Variants in NCALD observed in about 807,000 individuals in gnomAD.
NCALD encodes the protein neurocalcin-delta.
NCALD carries 10 observed loss-of-function variants against 18.6 expected under a neutral mutation model. The ratio of observed to expected loss-of-function variants is 0.54; its 90% CI spans 0.33 to 0.91. The LOEUF (loss-of-function observed/expected upper bound fraction) is 0.91. Ranked by LOEUF, NCALD falls within the 40% of genes least tolerant of loss-of-function variation. The pLI, the probability that NCALD is intolerant of heterozygous loss-of-function variation, is 0.03. For missense variants in NCALD, 184 were observed against 247.6 expected (o/e 0.74, Z 1.72); for synonymous variants, 88 against 87.4 (o/e 1.01, Z -0.04).
intron 1 of NCALD, among the ~76,000 whole-genome samples, chr8:102,065,508 G>T (rs1284817546): frequency 6.6e-6 from 1 of 152,168 alleles, no homozygotes; most frequent in African/African-American, 2.4e-5. Context: ...ATACATTGCA[G>T]CGAGAGACAC....
chr8:102,010,425 G>A (rs1477620182), intron 2 of NCALD, among the ~76,000 whole-genome samples: 2 of 152,194 alleles, frequency 1.3e-5, no homozygotes, highest in East Asian at 3.8e-4. Context: ...ACATCATAAA[G>A]TCTGAGCTTT....
chr8:102,023,705 G>A (rs543389093), intron 1 of NCALD, among the ~76,000 whole-genome samples: 6 of 152,290 alleles, frequency 3.9e-5, no homozygotes, highest in South Asian at 2.1e-4. Context: ...TTCCAGTTCC[G>A]AGACCAAGGA....
chr8:101,803,894 T>G (rs1423345017), intron 4 of NCALD, among the ~76,000 whole-genome samples: 1 of 152,220 alleles, frequency 6.6e-6, no homozygotes, highest in East Asian at 1.9e-4. Context: ...GATTCCAATT[T>G]TCTACTATGG....
chr8:102,068,166 A>C (rs1430852827), intron 1 of NCALD, among the ~76,000 whole-genome samples: 1 of 152,212 alleles, frequency 6.6e-6, no homozygotes, highest in African/African-American at 2.4e-5. Context: ...CAGTAGAAGC[A>C]TATCAGGAAT....
chr8:101,894,517 C>G (rs1007213123), intron 3 of NCALD, among the ~76,000 whole-genome samples: 5 of 143,568 alleles, frequency 3.5e-5, no homozygotes, highest in African/African-American at 1.4e-4. Context: ...AAAATCAGAG[C>G]AGAACTGAAG....
At chr8:101,973,148 C>T (rs1308475655) in intron 2 of NCALD, among the ~76,000 whole-genome samples, 1 of 152,094 alleles carries the variant, frequency 6.6e-6, no homozygotes, top group East Asian at 1.9e-4. Context: ...ATTTTCTGTT[C>T]CAGGTATGAG....
chr8:101,799,003 T>C (rs528624903), intron 4 of NCALD, among the ~76,000 whole-genome samples: 1 of 152,264 alleles, frequency 6.6e-6, no homozygotes, highest in African/African-American at 2.4e-5. Flanking sequence ...GTTAAGAAGA[T>C]GAAAAGACAA....
intron 2 of NCALD, among the ~76,000 whole-genome samples, chr8:101,929,637 G>GA (rs1818496496): frequency 9.4e-6 from 1 of 105,938 alleles, no homozygotes; most frequent in African/African-American, 3.7e-5. Flanking sequence ...GGGAAGGAAG[G>GA]AGGCAGGGAG....
intron 1 of NCALD, among the ~76,000 whole-genome samples, chr8:102,071,228 T>G (rs184333251): frequency 2.0e-4 from 31 of 151,724 alleles, no homozygotes; most frequent in Non-Finnish European, 4.3e-4. Context: ...CCTGGGAGAG[T>G]CTTGAACACA....
intron 4 of NCALD, among the ~76,000 whole-genome samples, chr8:101,827,291 C>A (rs1813977168): frequency 6.6e-6 from 1 of 152,282 alleles, no homozygotes; most frequent in South Asian, 2.1e-4. Context: ...TTTGGGCCCA[C>A]CCACATAATC....
chr8:101,744,919 C>A (rs1053080651), intron 1 of NCALD, among the ~76,000 whole-genome samples: 1 of 150,690 alleles, frequency 6.6e-6, no homozygotes, highest in Non-Finnish European at 1.5e-5. Flanking sequence ...CTTAAATAAC[C>A]AAAATAAAAT....
chr8:102,048,120 C>G (rs1322831847), intron 1 of NCALD, among the ~76,000 whole-genome samples: 1 of 152,114 alleles, frequency 6.6e-6, no homozygotes, highest in African/African-American at 2.4e-5. Context: ...AATTAATTAA[C>G]TAATTACTAA....
At chr8:101,717,553 G>T (rs1164763514) in intron 2 of NCALD, among the ~76,000 whole-genome samples, 1 of 152,100 alleles carries the variant, frequency 6.6e-6, no homozygotes, top group Non-Finnish European at 1.5e-5. Context: ...ATTTGTTGAC[G>T]GTTCTCCTGG....
intron 4 of NCALD, among the ~76,000 whole-genome samples, chr8:101,826,539 C>G (rs897351260): frequency 3.9e-5 from 6 of 152,184 alleles, no homozygotes; most frequent in African/African-American, 1.4e-4. Context: ...AACAGAGCTT[C>G]TACTCCAGAT....
chr8:102,108,054 CA>C (rs1445773727), intron 1 of NCALD, among the ~76,000 whole-genome samples: 3 of 152,158 alleles, frequency 2.0e-5, no homozygotes, highest in Non-Finnish European at 4.4e-5. Context: ...AGGCAAAAAG[CA>C]GGAACTAGAG....
At chr8:101,999,155 A>C (rs1426738169) in intron 2 of NCALD, among the ~76,000 whole-genome samples, 1 of 151,976 alleles carries the variant, frequency 6.6e-6, no homozygotes, top group East Asian at 1.9e-4. Flanking sequence ...GGATGCTTGA[A>C]TAATATGAGC....
At chr8:102,115,147 T>C (rs1383456182) in intron 1 of NCALD, among the ~76,000 whole-genome samples, 1 of 152,228 alleles carries the variant, frequency 6.6e-6, no homozygotes, top group Non-Finnish European at 1.5e-5. Context: ...GTGTAGTTGG[T>C]CCCCTGCAAG....
chr8:101,800,870 A>G (rs1267218954), intron 4 of NCALD, among the ~76,000 whole-genome samples: 1 of 87,712 alleles, frequency 1.1e-5, no homozygotes, highest in African/African-American at 4.7e-5. Flanking sequence ...AGAGGGGAGG[A>G]GGAAAAAGGA....
intron 1 of NCALD, among the ~76,000 whole-genome samples, chr8:102,056,343 A>T (rs2186680): frequency 0.17 from 25,798 of 152,212 alleles, 2,556 homozygotes; most frequent in Non-Finnish European, 0.22. Context: ...AAATAGCCAC[A>T]AGATATGAGG....
Sources: gnomAD v4.1 joint callset for allele counts (sites outside exome capture counted in the v4.1 genomes callset) on GRCh38, gnomAD v4.1.1 for gene constraint, MANE v1.5 for transcripts, NCBI Gene and HGNC (gene_info 2026-07-23, HGNC 2026-07-21) for gene names.